Variants in SLC5A9 observed in about 807,000 individuals in gnomAD.
SLC5A9 encodes the protein sodium/glucose cotransporter 4.
Under a neutral mutation model 70.9 loss-of-function variants are expected in SLC5A9, and 59 were observed. That is an observed-to-expected ratio of 0.83 (90% CI 0.68 to 1.03). The LOEUF (loss-of-function observed/expected upper bound fraction) is 1.03, where lower values mean the gene tolerates loss of function less well. Among genes scored for constraint, SLC5A9 ranks in the 50% least tolerant of loss-of-function variants. SLC5A9 has a pLI of 0.00. For missense variants in SLC5A9, 832 were observed against 881.1 expected (o/e 0.94, Z 0.71); for synonymous variants, 340 against 346.5 (o/e 0.98, Z 0.21).
rs1355743310 is a variant in SLC5A9, at chr1:48,224,604, G to A, written c.163-120G>A. 5 of 970,160 alleles carry A rather than the reference G, an allele frequency of 5.2e-6. No homozygotes were observed. In the Admixed American group the frequency reaches 9.2e-5, roughly 18 times the overall value. 60.1% of individuals were successfully genotyped at this position (970,160 alleles called of 1,614,324 possible). On this transcript the variant is annotated intron_variant, in intron 1 of 13. Transcript: ENST00000438567. ...CCTCAGGCAGCTCTCTTCTGCCTCA[G>A]TTTTCACCCTCTGTGTCCCCACAGT...
intron 9 of SLC5A9, among the ~76,000 whole-genome samples, chr1:48,234,342 G>T (rs887644567): frequency 6.6e-6 from 1 of 152,218 alleles, no homozygotes; most frequent in African/African-American, 2.4e-5. Context: ...GCCAAGCCTT[G>T]TTCTAGAGCA....
In SLC5A9 at chr1:48,237,763, C is replaced by T. The variant is rs775793732; in HGVS notation, c.1377C>T (p.Tyr459=). The T allele has an allele frequency of 6.2e-6, 10 of 1,614,062 alleles. No individual in the cohort carries two copies. The highest frequency in any genetic ancestry group is 2.2e-5 in the East Asian group (1 of 44,888). ...QSSNSGQLFD[Y]IQAVTSYLAP... ...CCAACAGTGGGCAGCTCTTCGACTA[C>T]ATCCAGGCTGTCACCAGTTACCTGG... The change falls in exon 11 of 14, where the codon TAC becomes TAT. Residue 459 remains tyrosine, a synonymous_variant. Transcript: ENST00000438567.
chr1:48,242,634 G>T lies in SLC5A9; in HGVS notation c.1837+18G>T, dbSNP rs770219729. 1 of 1,594,680 alleles carries T rather than the reference G, an allele frequency of 6.3e-7. No homozygotes were observed. The highest frequency in any genetic ancestry group is 1.7e-5 in the Admixed American group (1 of 58,628). On this transcript the variant is annotated intron_variant, in intron 13 of 13. Coordinates refer to ENST00000438567, the MANE Select transcript of SLC5A9 (RefSeq NM_001011547.3). ...GCCTGAAGGTAGGCTGCGGCAGGCC[G>T]GGGGATACTCATCACAGAGGAACAG...
At chr1:48,234,907 C>T (rs1434559191) in intron 9 of SLC5A9, among the ~76,000 whole-genome samples, 1 of 152,020 alleles carries the variant, frequency 6.6e-6, no homozygotes, top group East Asian at 1.9e-4. Flanking sequence ...ACAGAAGGCC[C>T]CAGAGGGAGA....
Position 48,224,761 on chromosome 1 carries a change from A to G in SLC5A9, c.200A>G (p.Tyr67Cys). The stretch of plus-strand genomic sequence containing the variant: ...GCAAGTCGAGGGACCATTGGCGGCT[A>G]TTTCCTGGCCGGGAGGTCCATGAGC... The part of the protein sequence containing the change: ...IRASRGTIGG[Y>C]FLAGRSMSWW... The change falls in exon 2 of 14, where the codon TAT (tyrosine) becomes TGT (cysteine). Residue 67 changes from tyrosine (Y) to cysteine (C), a missense_variant. Coordinates refer to ENST00000438567, the MANE Select transcript of SLC5A9 (RefSeq NM_001011547.3). 6.2e-7 allele frequency: 1 copy of G among 1,614,054 alleles called. No homozygotes were observed. The highest frequency in any genetic ancestry group is 8.5e-7 in the Non-Finnish European group (1 of 1,179,990).
At chr1:48,237,971 C>T (rs1644350891) in intron 11 of SLC5A9, 124 bp downstream of exon 11, 18 of 970,598 alleles carry the variant, frequency 1.9e-5, no homozygotes, top group African/African-American at 3.3e-5. Flanking sequence ...TTCCTGACCA[C>T]AGCATCCAGC....
intron 2 of SLC5A9, among the ~76,000 whole-genome samples, chr1:48,227,272 AGTGTGT>A (rs72024467): frequency 9.8e-5 from 10 of 101,704 alleles, no homozygotes; most frequent in Admixed American, 2.9e-4. Flanking sequence ...TGTGTGTCAG[AGTGTGT>A]GTGTGTATGT....
chr1:48,244,905 TATATAA>T (rs1644442591), intron 13 of SLC5A9, among the ~76,000 whole-genome samples: 1 of 109,320 alleles, frequency 9.1e-6, no homozygotes, highest in Non-Finnish European at 1.8e-5. Context: ...TATATATATA[TATATAA>T]AACCTCTGTC....
At chr1:48,223,743 G>T (rs1052441183) in intron 1 of SLC5A9, among the ~76,000 whole-genome samples, 8 of 152,158 alleles carry the variant, frequency 5.3e-5, no homozygotes, top group Non-Finnish European at 1.0e-4. Context: ...TCTATAAAGG[G>T]GGGTGAACAG....
chr1:48,241,728 T>TC (rs1644393057), intron 12 of SLC5A9, among the ~76,000 whole-genome samples: 2 of 138,782 alleles, frequency 1.4e-5, no homozygotes, highest in South Asian at 2.4e-4. Context: ...CTCTCTCTCT[T>TC]TCTCTATCTC....
intron 10 of SLC5A9, 148 bp from the exon 11 acceptor site, chr1:48,237,531 A>G (rs1218207054): frequency 1.4e-6 from 1 of 705,412 alleles, no homozygotes; most frequent in African/African-American, 1.8e-5. Context: ...GAATCTTAGT[A>G]TTTGAGATTC....
chr1:48,242,637 G>T (rs535373958), intron 13 of SLC5A9, 21 bp downstream of exon 13: 2 of 1,593,934 alleles, frequency 1.3e-6, no homozygotes, highest in Non-Finnish European at 1.7e-6. Flanking sequence ...GCAGGCCGGG[G>T]GATACTCATC....
intron 11 of SLC5A9, chr1:48,238,510 G>A (rs1305178578): frequency 6.6e-6 from 1 of 152,218 alleles, no homozygotes; most frequent in Non-Finnish European, 1.5e-5. Context: ...GGATAGCCTA[G>A]AAGAGACAGG....
rs1391896495 is a variant in SLC5A9 at position 48,244,878 on chromosome 1, G to GTGTGTGTATATATATATATATATATA, written c.1837+2263_1837+2264insGTGTGTATATATATATATATATATAT. Among the ~76,000 whole-genome samples, 7 of 29,418 alleles carry GTGTGTGTATATATATATATATATATA rather than the reference G, an allele frequency of 2.4e-4. 1 individual carries two copies. The highest frequency in any genetic ancestry group is 4.6e-4 in the Non-Finnish European group (6 of 13,036). The allele number at this position is 29,418 out of a possible 152,430, so 19.3% of individuals were successfully genotyped here. ...TGTGTGTGTGTATGTATGTGTATGT[G>GTGTGTGTATATATATATATATATATA]TATATATATATATATATATATATAT... On this transcript the variant is annotated intron_variant, in intron 13 of 13. Coordinates refer to ENST00000438567, the MANE Select transcript of SLC5A9 (RefSeq NM_001011547.3).
chr1:48,234,442 G>T (rs1319688270), intron 9 of SLC5A9, among the ~76,000 whole-genome samples: 1 of 152,154 alleles, frequency 6.6e-6, no homozygotes, highest in Non-Finnish European at 1.5e-5. Context: ...AACTCTGTAC[G>T]AGGCAGGCTT....
rs1010619658 is a variant in SLC5A9, at chr1:48,237,785, C to T, written c.1399C>T (p.Leu467=). The T allele has an allele frequency of 1.9e-6, 3 of 1,614,158 alleles. No homozygotes were observed. The highest frequency in any genetic ancestry group is 2.5e-6 in the Non-Finnish European group (3 of 1,180,030). The change falls in exon 11 of 14, where the codon CTG becomes TTG. Residue 467 remains leucine, a synonymous_variant. Coordinates refer to ENST00000438567, the MANE Select transcript of SLC5A9 (RefSeq NM_001011547.3). ...FDYIQAVTSY[L]APPITALFLL... is the part of the protein sequence containing the mutation. The stretch of plus-strand genomic sequence containing the variant: ...CTACATCCAGGCTGTCACCAGTTAC[C>T]TGGCCCCACCCATCACCGCTCTCTT...
intron 7 of SLC5A9, 36 bp from the exon 8 acceptor site, chr1:48,232,331 T>C: frequency 6.2e-7 from 1 of 1,610,970 alleles, no homozygotes; most frequent in Non-Finnish European, 8.5e-7. Flanking sequence ...GCCTCTCCTC[T>C]ACCTGCGCTG....
At chr1:48,242,380 C>T in intron 12 of SLC5A9, 77 bp from the exon 13 acceptor site, 1 of 1,494,196 alleles carries the variant, frequency 6.7e-7, no homozygotes, top group Non-Finnish European at 9.0e-7. Context: ...AGATGGCCTT[C>T]CATAAATGGG....
intron 5 of SLC5A9, among the ~76,000 whole-genome samples, 156 bp from the exon 6 acceptor site, chr1:48,231,389 G>A (rs1644244817): frequency 6.6e-6 from 1 of 152,184 alleles, no homozygotes; most frequent in Non-Finnish European, 1.5e-5. Flanking sequence ...GGAGAGAGGG[G>A]AACACTAGGT....
Sources: allele counts gnomAD v4.1 joint callset (sites outside exome capture counted in the v4.1 genomes callset), GRCh38; gene constraint gnomAD v4.1.1; transcripts MANE v1.5; gene names NCBI Gene and HGNC (gene_info 2026-07-23, HGNC 2026-07-21).